The following NEGR1 variants were observed in gnomAD, a reference collection of about 807,000 sequenced individuals.
NEGR1 encodes neuronal growth regulator 1, also known as IgLON family member 4.
Under a neutral mutation model 40.9 loss-of-function variants are expected in NEGR1, and 10 were observed. The observed-to-expected ratio is 0.24, with a 90% CI of 0.15 to 0.42. The LOEUF (loss-of-function observed/expected upper bound fraction) is 0.42. Ranked by LOEUF, NEGR1 falls within the 10% of genes least tolerant of loss-of-function variation. The pLI, the probability that NEGR1 is intolerant of heterozygous loss-of-function variation, is 1.00. For synonymous variants in NEGR1, 185 were observed against 166.8 expected (o/e 1.11, Z -0.84); for missense variants, 352 against 438.9 (o/e 0.80, Z 1.77).
intron 1 of NEGR1, among the ~76,000 whole-genome samples, chr1:72,106,180 A>G (rs1649127539): frequency 1.3e-5 from 2 of 152,252 alleles, no homozygotes; most frequent in African/African-American, 4.8e-5. Flanking sequence ...CACAGAGTCA[A>G]AAAGACTCAT....
chr1:72,178,693 T>C (rs1652259826), intron 1 of NEGR1, among the ~76,000 whole-genome samples: 1 of 151,808 alleles, frequency 6.6e-6, no homozygotes, highest in African/African-American at 2.4e-5. Context: ...GCGTCTGTTT[T>C]TTTTTGTTTG....
chr1:72,064,115 A>C (rs1251313639), intron 1 of NEGR1, among the ~76,000 whole-genome samples: 2 of 152,012 alleles, frequency 1.3e-5, no homozygotes, highest in African/African-American at 2.4e-5. Flanking sequence ...ACTCAGAATC[A>C]TACTGGCCAG....
chr1:71,632,003 A>G (rs1281275835), intron 4 of NEGR1, among the ~76,000 whole-genome samples: 8 of 151,756 alleles, frequency 5.3e-5, no homozygotes, highest in African/African-American at 1.4e-4. Flanking sequence ...CAGGAATAAT[A>G]AAATCTACTT....
intron 1 of NEGR1, among the ~76,000 whole-genome samples, chr1:71,996,874 T>G (rs1022223970): frequency 2.0e-5 from 3 of 152,048 alleles, no homozygotes; most frequent in Non-Finnish European, 2.9e-5. Context: ...ATTGACCTTT[T>G]CCCAATGTCT....
chr1:71,611,006 A>G lies in NEGR1; in HGVS notation c.788+20T>C, dbSNP rs748357135. On this transcript the variant is annotated intron_variant, in intron 5 of 6. Coordinates refer to ENST00000357731, the MANE Select transcript of NEGR1 (RefSeq NM_173808.3). The stretch of plus-strand genomic sequence containing the variant: ...TAGCTCAAAGTGCTTAGAACACAGT[A>G]ATAATCACAAAGTCCTCACTTCTTC... 1.2e-6 allele frequency: 2 copies of G among 1,612,552 alleles called. No individual in the cohort carries two copies. The highest frequency in any genetic ancestry group is 1.1e-5 in the South Asian group (1 of 90,984).
chr1:71,754,915 C>G (rs1456835932), intron 3 of NEGR1, among the ~76,000 whole-genome samples: 1 of 152,138 alleles, frequency 6.6e-6, no homozygotes, highest in East Asian at 1.9e-4. Context: ...TCTTCAGATA[C>G]TGGCCTTGGG....
intron 1 of NEGR1, among the ~76,000 whole-genome samples, chr1:72,212,602 T>C (rs909758593): frequency 2.6e-5 from 4 of 152,038 alleles, no homozygotes; most frequent in African/African-American, 9.7e-5. Context: ...ATAATTTAAT[T>C]GTTCATAAAC....
chr1:71,818,586 G>T (rs1318452578), intron 2 of NEGR1, among the ~76,000 whole-genome samples: 1 of 151,924 alleles, frequency 6.6e-6, no homozygotes, highest in African/African-American at 2.4e-5. Context: ...TAGGTACCAT[G>T]CTTATTACTT....
chr1:71,894,737 AT>A (rs1220943138), intron 2 of NEGR1, among the ~76,000 whole-genome samples: 13 of 152,188 alleles, frequency 8.5e-5, no homozygotes, highest in African/African-American at 2.4e-4. Context: ...AATAAGTTTT[AT>A]TTTTAAAAAA....
chr1:71,492,510 C>A (rs1306154383), intron 6 of NEGR1, among the ~76,000 whole-genome samples: 1 of 151,960 alleles, frequency 6.6e-6, no homozygotes, highest in Non-Finnish European at 1.5e-5. Flanking sequence ...CAATTTCTCT[C>A]ATTTCTTCAC....
intron 1 of NEGR1, among the ~76,000 whole-genome samples, chr1:71,969,546 A>C (rs1646238918): frequency 6.6e-6 from 1 of 152,222 alleles, no homozygotes; most frequent in Admixed American, 6.5e-5. Flanking sequence ...CTGCCATGAC[A>C]GCCCTACCAT....
At chr1:71,777,176 C>T (rs906189429) in intron 2 of NEGR1, among the ~76,000 whole-genome samples, 7 of 152,078 alleles carry the variant, frequency 4.6e-5, no homozygotes, top group African/African-American at 1.7e-4. Flanking sequence ...CCTCAAAGAG[C>T]ATGGGTATAA....
intron 2 of NEGR1, among the ~76,000 whole-genome samples, chr1:71,873,585 G>A (rs1232941329): frequency 1.3e-5 from 2 of 152,058 alleles, no homozygotes; most frequent in African/African-American, 4.8e-5. Flanking sequence ...AAAACATTGT[G>A]CACTCTAAAT....
intron 3 of NEGR1, among the ~76,000 whole-genome samples, chr1:71,770,924 C>G (rs552249007): frequency 1.3e-4 from 20 of 152,164 alleles, no homozygotes; most frequent in Admixed American, 1.3e-3. Context: ...CAGAAATAAC[C>G]ATTTGACCCA....
intron 6 of NEGR1, chr1:71,422,641 A>C (rs1330623888): frequency 1.3e-5 from 2 of 152,208 alleles, no homozygotes; most frequent in Non-Finnish European, 2.9e-5. Flanking sequence ...AAAGAACTGA[A>C]GAAAGGCCTT....
intron 1 of NEGR1, among the ~76,000 whole-genome samples, chr1:72,057,035 G>A (rs993243592): frequency 2.0e-5 from 3 of 151,496 alleles, no homozygotes; most frequent in Non-Finnish European, 4.4e-5. Flanking sequence ...AATTTCAGCT[G>A]TTTTCTCTGT....
At position 72,232,305 on chromosome 1, in the gene NEGR1, T is replaced by A. The variant is rs1306434533; in HGVS notation, c.176+50014A>T. Among the ~76,000 whole-genome samples, 3 of 151,308 alleles carry A rather than the reference T, an allele frequency of 2.0e-5. No individual in the cohort carries two copies. In the East Asian group the frequency reaches 5.8e-4, roughly 29 times the overall value. On this transcript the variant is annotated intron_variant, in intron 1 of 6. Coordinates refer to ENST00000357731, the MANE Select transcript of NEGR1 (RefSeq NM_173808.3). Reference sequence around the variant, plus strand: ...CCGGGAGGCGGAGGTTGCAGTGAGCTGAGATCACACCACTGACTCCAGCCT... The same window carrying A: ...CCGGGAGGCGGAGGTTGCAGTGAGCAGAGATCACACCACTGACTCCAGCCT...
At chr1:71,523,627 CATCTGGATTTCTGG>C in intron 6 of NEGR1, among the ~76,000 whole-genome samples, 1 of 151,944 alleles carries the variant, frequency 6.6e-6, no homozygotes, top group Non-Finnish European at 1.5e-5. Flanking sequence ...AGAGTCCAAG[CATCTGGATTTCTGG>C]ATTTAGCGAT....
chr1:71,997,700 A>C (rs1557475801), intron 1 of NEGR1, among the ~76,000 whole-genome samples: 1 of 151,978 alleles, frequency 6.6e-6, no homozygotes, highest in Non-Finnish European at 1.5e-5. Flanking sequence ...TTCTGAAAAA[A>C]TAATCTGACA....
Sources: gnomAD v4.1 joint callset for allele counts (sites outside exome capture counted in the v4.1 genomes callset) on GRCh38, gnomAD v4.1.1 for gene constraint, MANE v1.5 for transcripts, NCBI Gene and HGNC (gene_info 2026-07-23, HGNC 2026-07-21) for gene names.